NEDD4L: variants seen among roughly 807,000 people sequenced by gnomAD.
NEDD4L encodes the protein E3 ubiquitin-protein ligase NEDD4-like.
A neutral mutation model predicts 148.9 loss-of-function variants in NEDD4L; 54 were observed. The observed-to-expected ratio is 0.36, with a 90% CI of 0.29 to 0.45. The LOEUF (loss-of-function observed/expected upper bound fraction) is 0.45, where lower values mean the gene tolerates loss of function less well. Among genes scored for constraint, NEDD4L ranks in the 20% least tolerant of loss-of-function variants. The pLI is 1.00. For synonymous variants in NEDD4L, 433 were observed against 440.7 expected (o/e 0.98, Z 0.22); for missense variants, 856 against 1,233.8 (o/e 0.69, Z 4.59).
chr18:58,181,696 T>C (rs1017342550), intron 2 of NEDD4L, among the ~76,000 whole-genome samples: 2 of 152,202 alleles, frequency 1.3e-5, no homozygotes, highest in Admixed American at 1.3e-4. Context: ...TGTCGTGGCC[T>C]AAGAAAGGAA....
intron 15 of NEDD4L, among the ~76,000 whole-genome samples, chr18:58,342,281 G>T (rs1266279244): frequency 1.3e-5 from 2 of 152,146 alleles, no homozygotes; most frequent in Non-Finnish European, 2.9e-5. Context: ...GCATCTGCTT[G>T]TGCTCTCTGT....
At chr18:58,276,148 A>G (rs17232701) in intron 5 of NEDD4L, among the ~76,000 whole-genome samples, 27,076 of 150,532 alleles carry the variant, frequency 0.18, 2,587 homozygotes, top group Non-Finnish European at 0.18. Context: ...CTAACGGAGT[A>G]TAGTAAATAC....
rs1491360930 is a variant in NEDD4L, at chr18:58,082,103, T to TA, written c.48+37395_48+37396insA. 3.2e-3 allele frequency among the ~76,000 whole-genome samples: 172 copies of TA among 53,884 alleles called. 1 individual carries two copies. Among genetic ancestry groups the TA allele is most frequent in the South Asian group, 4.8e-3 (11 of 2,304 alleles). The allele number at this position is 53,884 out of a possible 152,430, so 35.3% of individuals were successfully genotyped here. A position where few individuals can be genotyped will look rare whatever the true frequency, so the allele number is the denominator to read the frequency against. ...GAATATATATATATATATATATATA[T>TA]TTTTTTTTTTTTTTTTTTCTTGAGA... On this transcript the variant is annotated intron_variant, in intron 1 of 30. Coordinates refer to ENST00000400345, the MANE Select transcript of NEDD4L (RefSeq NM_001144967.3).
intron 1 of NEDD4L, among the ~76,000 whole-genome samples, chr18:58,104,740 A>T (rs905324003): frequency 6.6e-6 from 1 of 152,042 alleles, no homozygotes; most frequent in Non-Finnish European, 1.5e-5. Flanking sequence ...GAACAATTGC[A>T]TTTTTTCCTT....
intron 5 of NEDD4L, among the ~76,000 whole-genome samples, chr18:58,275,781 A>G (rs1455960467): frequency 6.9e-6 from 1 of 145,916 alleles, no homozygotes; most frequent in African/African-American, 2.5e-5. Context: ...TTGGAGAAGG[A>G]TGGAATGGCT....
Position 58,169,258 on chromosome 18 carries a change from C to T in NEDD4L, c.122+3397C>T, listed in dbSNP as rs537620748. Among the ~76,000 whole-genome samples the T allele has an allele frequency of 5.3e-5, 8 of 152,290 alleles. No individual in the cohort carries two copies. In the South Asian group the frequency reaches 1.2e-3, roughly 24 times the overall value. On this transcript the variant is annotated intron_variant, in intron 2 of 30. Coordinates refer to ENST00000400345, the MANE Select transcript of NEDD4L (RefSeq NM_001144967.3). ...CTTTGTTTGGAGCAGATTGGATAAC[C>T]GAGCCGCGACTCCACTTGAACATCT...
At chr18:58,100,125 G>A (rs1253246339) in intron 1 of NEDD4L, among the ~76,000 whole-genome samples, 1 of 152,152 alleles carries the variant, frequency 6.6e-6, no homozygotes, top group East Asian at 1.9e-4. Context: ...GGTAAAGGAA[G>A]CACAGGACCT....
At chr18:58,296,962 C>G (rs556053164) in intron 5 of NEDD4L, among the ~76,000 whole-genome samples, 2 of 152,136 alleles carry the variant, frequency 1.3e-5, no homozygotes, top group African/African-American at 4.8e-5. Context: ...TGGCACTCCC[C>G]TGTAATCCCA....
intron 5 of NEDD4L, among the ~76,000 whole-genome samples, chr18:58,301,319 G>C (rs931791561): frequency 2.6e-5 from 4 of 152,186 alleles, no homozygotes; most frequent in African/African-American, 9.7e-5. Flanking sequence ...ATTAGAAGTT[G>C]AATTTTAATG....
chr18:58,074,012 T>A (rs1255648992), intron 1 of NEDD4L, among the ~76,000 whole-genome samples: 1 of 152,158 alleles, frequency 6.6e-6, no homozygotes, highest in Non-Finnish European at 1.5e-5. Context: ...CTGCTTAGGA[T>A]TTTCCCTGTC....
At chr18:58,174,666 G>A (rs141809970) in intron 2 of NEDD4L, among the ~76,000 whole-genome samples, 464 of 152,244 alleles carry the variant, frequency 3.0e-3, no homozygotes, top group African/African-American at 9.8e-3. Context: ...GGCAGGAATG[G>A]GTGAGGCTAC....
At chr18:58,145,951 A>G (rs912736844) in intron 1 of NEDD4L, among the ~76,000 whole-genome samples, 3 of 152,096 alleles carry the variant, frequency 2.0e-5, no homozygotes, top group Non-Finnish European at 4.4e-5. Flanking sequence ...TCACAGTCAT[A>G]TGGAAACAGT....
chr18:58,052,491 G>T (rs545626181), intron 1 of NEDD4L, among the ~76,000 whole-genome samples: 1 of 152,154 alleles, frequency 6.6e-6, no homozygotes, highest in Admixed American at 6.5e-5. Flanking sequence ...GATTCAAAAC[G>T]CACCAAGTTA....
intron 1 of NEDD4L, among the ~76,000 whole-genome samples, chr18:58,156,598 C>T (rs555663509): frequency 6.6e-6 from 1 of 152,156 alleles, no homozygotes; most frequent in Non-Finnish European, 1.5e-5. Flanking sequence ...ATCCTACCCC[C>T]CACCGCCTCC....
chr18:58,359,672 T>C (rs796529098), intron 19 of NEDD4L, among the ~76,000 whole-genome samples: 1 of 152,348 alleles, frequency 6.6e-6, no homozygotes, highest in Non-Finnish European at 1.5e-5. Context: ...TGAGTTTTGA[T>C]CTTAGTGAAG....
chr18:58,144,056 A>G (rs1204465644), intron 1 of NEDD4L, among the ~76,000 whole-genome samples: 1 of 151,936 alleles, frequency 6.6e-6, no homozygotes. Context: ...TGGCCAAGAC[A>G]GAAAACATTC....
intron 2 of NEDD4L, among the ~76,000 whole-genome samples, chr18:58,220,295 A>C (rs1345574107): frequency 6.6e-6 from 1 of 152,116 alleles, no homozygotes; most frequent in Admixed American, 6.6e-5. Flanking sequence ...GGTCCCAGCT[A>C]TTCAGGAGGC....
intron 1 of NEDD4L, among the ~76,000 whole-genome samples, chr18:58,158,339 A>G (rs2035765748): frequency 6.6e-6 from 1 of 152,194 alleles, no homozygotes; most frequent in Non-Finnish European, 1.5e-5. Context: ...CCTCTTCCAT[A>G]TTCTATTAGA....
chr18:58,275,820 G>T (rs2051838501), intron 5 of NEDD4L, among the ~76,000 whole-genome samples: 1 of 152,184 alleles, frequency 6.6e-6, no homozygotes, highest in African/African-American at 2.4e-5. Context: ...CAAGCAGGAA[G>T]TCTGCACCCT....
Sources: gnomAD v4.1 joint callset for allele counts (sites outside exome capture counted in the v4.1 genomes callset) on GRCh38, gnomAD v4.1.1 for gene constraint, MANE v1.5 for transcripts, NCBI Gene and HGNC (gene_info 2026-07-23, HGNC 2026-07-21) for gene names.